The following SEC11C variants were observed in gnomAD, a reference collection of about 807,000 sequenced individuals.
SEC11C encodes SEC11 homolog C, signal peptidase complex subunit.
Under a neutral mutation model 21.9 loss-of-function variants are expected in SEC11C, and 10 were observed. That is an observed-to-expected ratio of 0.46 (90% CI 0.28 to 0.77). The LOEUF is 0.77. Among genes scored for constraint, SEC11C ranks in the 30% least tolerant of loss-of-function variants. The probability of loss-of-function intolerance (pLI) is 0.12; values close to 1 mark genes in which losing one functional copy is unlikely to be tolerated. For missense variants in SEC11C, 145 were observed against 244.5 expected (o/e 0.59, Z 2.71); for synonymous variants, 83 against 85.6 (o/e 0.97, Z 0.17).
intron 2 of SEC11C, among the ~76,000 whole-genome samples, 166 bp downstream of exon 2, chr18:59,149,788 T>G (rs896965556): frequency 6.6e-6 from 1 of 151,920 alleles, no homozygotes; most frequent in Non-Finnish European, 1.5e-5. Flanking sequence ...AAATGTTTCG[T>G]TTTTTTTCTG....
intron 3 of SEC11C, 91 bp from the exon 4 acceptor site, chr18:59,155,595 CTG>C: frequency 7.4e-7 from 1 of 1,355,334 alleles, no homozygotes; most frequent in Non-Finnish European, 1.0e-6. Flanking sequence ...CTAAATGCTC[CTG>C]TCTGACAGTA....
In SEC11C at chr18:59,139,927, C is replaced by G. The variant is rs1026637572; in HGVS notation, c.-22C>G. ...TGTGCCACCCAGAGCCGGCGGGCCG[C>G]TAGGTCCCCGGAGACCCTGCTATGG... On this transcript the variant is annotated 5_prime_UTR_variant, in exon 1 of 6. Coordinates refer to ENST00000587834, the MANE Select transcript of SEC11C (RefSeq NM_033280.4). 2.7e-6 allele frequency: 4 copies of G among 1,507,042 alleles called. No homozygotes were observed. Among genetic ancestry groups the G allele is most frequent in the Non-Finnish European group, 3.6e-6 (4 of 1,123,788 alleles). The allele number at this position is 1,507,042 out of a possible 1,614,324, so 93.4% of individuals were successfully genotyped here.
intron 1 of SEC11C, among the ~76,000 whole-genome samples, chr18:59,141,537 G>T (rs1453290870): frequency 1.3e-5 from 2 of 152,210 alleles, no homozygotes; most frequent in Non-Finnish European, 2.9e-5. Context: ...TGAAAGATCA[G>T]TGTGTTTTTG....
Position 59,157,680 on chromosome 18 carries a change from G to A in SEC11C, c.525+15G>A. 1 of 1,536,544 alleles carries A rather than the reference G, an allele frequency of 6.5e-7. No individual in the cohort carries two copies. Among genetic ancestry groups the A allele is most frequent in the Non-Finnish European group, 9.0e-7 (1 of 1,110,248 alleles). On this transcript the variant is annotated intron_variant, in intron 5 of 5. Transcript: ENST00000587834. Reference sequence around the variant, plus strand: ...CAAAATTCAAGGTAGGAATTTATGTGTGTCTATATTTATTTACTTCGTTAA... The same window carrying A: ...CAAAATTCAAGGTAGGAATTTATGTATGTCTATATTTATTTACTTCGTTAA...
chr18:59,141,256 T>C (rs2069207020), intron 1 of SEC11C, among the ~76,000 whole-genome samples: 1 of 152,214 alleles, frequency 6.6e-6, no homozygotes, highest in Non-Finnish European at 1.5e-5. Context: ...TGGTAGTGTC[T>C]AGGTGTGCAA....
At chr18:59,147,290 G>A (rs2069287861) in intron 1 of SEC11C, 1 of 152,090 alleles carries the variant, frequency 6.6e-6, no homozygotes, top group Non-Finnish European at 1.5e-5. Flanking sequence ...ATTAAATTTG[G>A]ATAGTTGAGG....
intron 5 of SEC11C, 40 bp from the exon 6 acceptor site, chr18:59,158,592 G>A (rs1184412114): frequency 1.3e-6 from 2 of 1,573,074 alleles, no homozygotes; most frequent in Admixed American, 1.7e-5. Flanking sequence ...AAATTTCTTT[G>A]TAGACCTCAC....
At position 59,145,028 on chromosome 18, in the gene SEC11C, A is replaced by G. The variant is rs535030514; in HGVS notation, c.88-4485A>G. 2.1e-3 allele frequency among the ~76,000 whole-genome samples: 313 copies of G among 152,344 alleles called. 1 individual carries two copies. The highest frequency in any genetic ancestry group is 7.3e-3 in the African/African-American group (305 of 41,574). The stretch of plus-strand genomic sequence containing the variant: ...AATCTTGAGGATACAGCTATGAGCA[A>G]GGCTGAAATGATCCCTACTTTTGTG... On this transcript the variant is annotated intron_variant, in intron 1 of 5. Transcript: ENST00000587834.
chr18:59,158,303 G>A (rs574421969), intron 5 of SEC11C, among the ~76,000 whole-genome samples: 1 of 152,228 alleles, frequency 6.6e-6, no homozygotes, highest in Non-Finnish European at 1.5e-5. Context: ...TGATCTGCCC[G>A]CCTTGGCTTC....
At chr18:59,158,488 A>C (rs1393034329) in intron 5 of SEC11C, 144 bp from the exon 6 acceptor site, 5 of 664,230 alleles carry the variant, frequency 7.5e-6, no homozygotes, top group African/African-American at 3.6e-5. Context: ...TGAACAGCTC[A>C]TTTAGAGAAC....
intron 5 of SEC11C, 101 bp from the exon 6 acceptor site, chr18:59,158,531 C>A: frequency 1.1e-6 from 1 of 887,442 alleles, no homozygotes; most frequent in Non-Finnish European, 1.9e-6. Flanking sequence ...TCTTTTGATT[C>A]TGTCCTCAGC....
At chr18:59,149,314 T>C (rs2069318836) in intron 1 of SEC11C, among the ~76,000 whole-genome samples, 199 bp from the exon 2 acceptor site, 1 of 152,232 alleles carries the variant, frequency 6.6e-6, no homozygotes, top group South Asian at 2.1e-4. Flanking sequence ...CTCCCTTCTC[T>C]CTCACTTAAG....
chr18:59,154,055 C>T (rs922059307), intron 3 of SEC11C, among the ~76,000 whole-genome samples: 1 of 152,158 alleles, frequency 6.6e-6, no homozygotes, highest in Non-Finnish European at 1.5e-5. Flanking sequence ...GATACTTATT[C>T]ACTTCACATT....
At chr18:59,143,312 C>T (rs1249195752) in intron 1 of SEC11C, among the ~76,000 whole-genome samples, 1 of 140,432 alleles carries the variant, frequency 7.1e-6, no homozygotes, top group East Asian at 2.1e-4. Context: ...GAGATCGCGC[C>T]ATTGCACTCC....
rs566763654 is a variant in SEC11C at position 59,143,886 on chromosome 18, C to T, written c.87+3851C>T. ...TTTTTTTTTGAGATGGAGTCTTGCT[C>T]TGTCACCCAGGCTGGAGTGCAGTGG... On this transcript the variant is annotated intron_variant, in intron 1 of 5. Coordinates refer to ENST00000587834, the MANE Select transcript of SEC11C (RefSeq NM_033280.4). Among the ~76,000 whole-genome samples, 163 of 135,956 alleles carry T rather than the reference C, an allele frequency of 1.2e-3. 1 individual carries two copies. Among genetic ancestry groups the T allele is most frequent in the Non-Finnish European group, 2.1e-3 (134 of 65,076 alleles). The allele number at this position is 135,956 out of a possible 152,430, so 89.2% of individuals were successfully genotyped here.
intron 3 of SEC11C, among the ~76,000 whole-genome samples, chr18:59,154,598 C>T (rs536361304): frequency 2.0e-5 from 3 of 152,128 alleles, no homozygotes; most frequent in Admixed American, 6.5e-5. Context: ...TTTATACTAC[C>T]GTGGTCAGTG....
intron 1 of SEC11C, among the ~76,000 whole-genome samples, chr18:59,148,479 C>T (rs987056508): frequency 6.6e-6 from 1 of 152,232 alleles, no homozygotes; most frequent in Admixed American, 6.5e-5. Context: ...TCAGCCCATG[C>T]CATGCTGCAG....
rs1188554929 is a variant in SEC11C, at chr18:59,152,235, G to A, written c.198-301G>A. On this transcript the variant is annotated intron_variant, in intron 2 of 5. Coordinates refer to ENST00000587834, the MANE Select transcript of SEC11C (RefSeq NM_033280.4). ...AAACACTACTATATTTGTAGATGCAGGACTTTTTTTAAAGCTAAAAATTGG... is the reference window on the plus strand; with the variant it reads ...AAACACTACTATATTTGTAGATGCAAGACTTTTTTTAAAGCTAAAAATTGG... Among the ~76,000 whole-genome samples the A allele has an allele frequency of 1.3e-5, 2 of 151,954 alleles. 1 individual carries two copies. The highest frequency in any genetic ancestry group is 2.9e-5 in the Non-Finnish European group (2 of 68,048).
At chr18:59,140,058 G>C in intron 1 of SEC11C, 23 bp downstream of exon 1, 1 of 1,557,208 alleles carries the variant, frequency 6.4e-7, no homozygotes, top group African/African-American at 1.4e-5. Flanking sequence ...GGTGGTGAGC[G>C]CGCCGTGGCC....
Sources: gnomAD v4.1 joint callset for allele counts (sites outside exome capture counted in the v4.1 genomes callset) on GRCh38, gnomAD v4.1.1 for gene constraint, MANE v1.5 for transcripts, NCBI Gene and HGNC (gene_info 2026-07-23, HGNC 2026-07-21) for gene names.